The following CCDC171 variants were observed in gnomAD, a reference collection of about 807,000 sequenced individuals.
CCDC171 encodes coiled-coil domain containing 171.
A neutral mutation model predicts 168.2 loss-of-function variants in CCDC171; 177 were observed. The ratio of observed to expected loss-of-function variants is 1.05; its 90% CI spans 0.93 to 1.19. CCDC171 has a LOEUF of 1.19. Ranked by LOEUF, CCDC171 falls within the 50% of genes most tolerant of loss-of-function variation. CCDC171 has a pLI of 0.00. For missense variants in CCDC171, 1,991 were observed against 1,539.0 expected (o/e 1.29, Z -4.91); for synonymous variants, 687 against 540.8 (o/e 1.27, Z -3.75).
intron 1 of CCDC171, among the ~76,000 whole-genome samples, chr9:16,052,475 T>A (rs1833765541): frequency 6.6e-6 from 1 of 152,168 alleles, no homozygotes; most frequent in Non-Finnish European, 1.5e-5. Context: ...ACAAAGCTCT[T>A]ATGCCACACA....
At position 15,809,730 on chromosome 9, in the gene CCDC171, G is replaced by A. The variant is rs562180780; in HGVS notation, c.3267+25036G>A. Among the ~76,000 whole-genome samples the A allele has an allele frequency of 7.9e-5, 12 of 152,310 alleles. No individual in the cohort carries two copies. The East Asian group carries it at 2.3e-3, about 29-fold the overall frequency. The stretch of plus-strand genomic sequence containing the variant: ...GAGTGTTACAGCTCATAAAGGCAGT[G>A]CGGACCCAAAGAGTGAGCAACAGCA... On this transcript the variant is annotated intron_variant, in intron 21 of 25. Transcript: ENST00000380701.
At chr9:15,832,193 A>C (rs573053430) in intron 21 of CCDC171, among the ~76,000 whole-genome samples, 20 of 152,334 alleles carry the variant, frequency 1.3e-4, no homozygotes, top group African/African-American at 4.3e-4. Context: ...ATGCCAAATA[A>C]ATCTACAGTG....
At chr9:15,643,726 G>T (rs768411712) in intron 7 of CCDC171, among the ~76,000 whole-genome samples, 1 of 151,936 alleles carries the variant, frequency 6.6e-6, no homozygotes. Flanking sequence ...TGCCCTTTTC[G>T]TTCTCTCCTT....
rs2045503698 is a variant in CCDC171, at chr9:15,629,635, T to C, written c.822+6222T>C. On this transcript the variant is annotated intron_variant, in intron 7 of 25. Transcript: ENST00000380701. ...ATTATCCAGGAGAACTTCCCCAATC[T>C]AGCAAGGCAGGCCAACATTCAGATT... is the stretch of plus-strand genomic sequence containing the variant. Among the ~76,000 whole-genome samples, 4 of 152,204 alleles carry C rather than the reference T, an allele frequency of 2.6e-5. No individual in the cohort carries two copies. The South Asian group carries it at 8.3e-4, about 32-fold the overall frequency.
intron 3 of CCDC171, among the ~76,000 whole-genome samples, chr9:15,996,788 A>G (rs945625392): frequency 1.3e-5 from 2 of 152,166 alleles, no homozygotes; most frequent in African/African-American, 4.8e-5. Context: ...TTTGGATTCT[A>G]CAGTGTATTA....
chr9:15,936,108 G>A (rs185286437), intron 25 of CCDC171, among the ~76,000 whole-genome samples: 118 of 152,162 alleles, frequency 7.8e-4, no homozygotes, highest in African/African-American at 2.7e-3. Flanking sequence ...GGTGGTAGAA[G>A]CACAAGACTA....
chr9:15,999,237 TAGAA>T (rs1185495279), intron 3 of CCDC171, among the ~76,000 whole-genome samples: 7 of 83,620 alleles, frequency 8.4e-5, no homozygotes, highest in African/African-American at 1.3e-4. Context: ...GGAAGAAAGA[TAGAA>T]AGAAAAGAAA....
At chr9:15,794,570 A>T (rs2058456601) in intron 21 of CCDC171, among the ~76,000 whole-genome samples, 1 of 150,198 alleles carries the variant, frequency 6.7e-6, no homozygotes, top group Non-Finnish European at 1.5e-5. Flanking sequence ...TTTCCCACTT[A>T]TTCTGTTGGC....
intron 8 of CCDC171, among the ~76,000 whole-genome samples, chr9:15,665,648 G>T (rs1490103138): frequency 6.6e-6 from 1 of 152,132 alleles, no homozygotes; most frequent in African/African-American, 2.4e-5. Context: ...GGGTGTGGTG[G>T]TGTGCACCTG....
chr9:15,702,996 T>C (rs2051889727), intron 11 of CCDC171, among the ~76,000 whole-genome samples: 1 of 151,836 alleles, frequency 6.6e-6, no homozygotes, highest in African/African-American at 2.4e-5. Flanking sequence ...CTCCCTCTCC[T>C]GGGTTCAAGC....
Position 15,813,606 on chromosome 9 carries a change from TTG to T in CCDC171, c.3267+28928_3267+28929del, listed in dbSNP as rs140437207. ...ACATTTTACATACTTTTACATGTAT[TTG>T]TGTGTGTGTGTGTGTATATATATAT... On this transcript the variant is annotated intron_variant, in intron 21 of 25. Coordinates refer to ENST00000380701, the MANE Select transcript of CCDC171 (RefSeq NM_173550.4). 3.8e-3 allele frequency among the ~76,000 whole-genome samples: 563 copies of T among 149,910 alleles called. 2 individuals are homozygous for T. Among genetic ancestry groups the T allele is most frequent in the Middle Eastern group, 6.9e-3 (2 of 288 alleles).
chr9:15,777,747 T>G lies in CCDC171; in HGVS notation c.2819T>G (p.Val940Gly), dbSNP rs2057409086. The part of the protein sequence containing the change: ...SITYVEKDSL[V>G]QRLAHGLHKV... ...ACATATGTAGAAAAAGATTCCCTGG[T>G]TCAGAGGCTGGCCCATGGACTTCAT... Residue 940 changes from valine to glycine, a missense_variant, in exon 19 of 26, where the codon GTT (valine) becomes GGT (glycine). Physicochemically the swap from Val to Gly is moderately radical, Grantham distance 109. Transcript: ENST00000380701. The G allele has an allele frequency of 1.2e-6, 2 of 1,613,992 alleles. No individual in the cohort carries two copies. The highest frequency in any genetic ancestry group is 1.7e-6 in the Non-Finnish European group (2 of 1,179,974).
intron 7 of CCDC171, among the ~76,000 whole-genome samples, chr9:15,645,760 T>C (rs2046984477): frequency 2.0e-5 from 3 of 152,136 alleles, no homozygotes; most frequent in African/African-American, 7.2e-5. Flanking sequence ...AAAGACCACA[T>C]CTACGTCTGA....
At chr9:16,042,571 G>A (rs1833589824), upstream of CCDC171, among the ~76,000 whole-genome samples, 2 of 152,168 alleles carry the variant, frequency 1.3e-5, no homozygotes, top group Non-Finnish European at 2.9e-5. Flanking sequence ...AGGATTAAAT[G>A]AGAAGACTGG....
intron 7 of CCDC171, among the ~76,000 whole-genome samples, chr9:15,632,658 T>C (rs2045824163): frequency 1.3e-5 from 2 of 152,048 alleles, no homozygotes; most frequent in African/African-American, 4.8e-5. Flanking sequence ...CTTCACAGAA[T>C]TGGAAAAAAC....
At chr9:15,765,158 C>A (rs963418533) in intron 18 of CCDC171, among the ~76,000 whole-genome samples, 2 of 152,136 alleles carry the variant, frequency 1.3e-5, no homozygotes, top group East Asian at 3.8e-4. Flanking sequence ...CTTGAAGGGA[C>A]TGTTTTGATG....
chr9:15,678,475 C>T (rs893143057), intron 9 of CCDC171, among the ~76,000 whole-genome samples: 3 of 151,976 alleles, frequency 2.0e-5, no homozygotes, highest in Non-Finnish European at 2.9e-5. Flanking sequence ...GGGTTTTGCT[C>T]GTCAAAAATG....
rs756614235 is a variant in CCDC171 at position 15,744,666 on chromosome 9, A to G, written c.2443A>G (p.Lys815Glu). ...VIAVLAANRL[K>E]ILGQSCASLF... ...TGCTGTTTTGGCAGCAAACAGACTC[A>G]AGATTTTGGGCCAATCATGTGCCTC... Residue 815 changes from lysine to glutamate, a missense_variant, in exon 17 of 26, where the codon AAG (lysine) becomes GAG (glutamate). Lys to Glu is a moderately conservative substitution (Grantham distance 56). Coordinates refer to ENST00000380701, the MANE Select transcript of CCDC171 (RefSeq NM_173550.4). The G allele has an allele frequency of 6.2e-7, 1 of 1,614,098 alleles. No individual in the cohort carries two copies. The highest frequency in any genetic ancestry group is 8.5e-7 in the Non-Finnish European group (1 of 1,180,028).
the CCDC171 span, among the ~76,000 whole-genome samples, chr9:16,069,565 G>A: frequency 2.6e-5 from 4 of 152,254 alleles, no homozygotes; most frequent in Admixed American, 6.5e-5. Context: ...TCGGGGCACC[G>A]AAGGAGAAGC....
Sources: gnomAD v4.1 joint callset for allele counts (sites outside exome capture counted in the v4.1 genomes callset) on GRCh38, gnomAD v4.1.1 for gene constraint, MANE v1.5 for transcripts, NCBI Gene and HGNC (gene_info 2026-07-23, HGNC 2026-07-21) for gene names.